The following CPAMD8 variants were observed in gnomAD, a reference collection of about 807,000 sequenced individuals.
The protein encoded by CPAMD8 is C3 and PZP like alpha-2-macroglobulin domain containing 8.
In CPAMD8, 146 loss-of-function variants were observed where a neutral mutation model predicts 224.7. The ratio of observed to expected loss-of-function variants is 0.65; its 90% CI spans 0.57 to 0.75. CPAMD8 has a LOEUF of 0.75. Among genes scored for constraint, CPAMD8 ranks in the 30% least tolerant of loss-of-function variants. The probability of loss-of-function intolerance (pLI) is 0.00; values close to 1 mark genes in which losing one functional copy is unlikely to be tolerated. For missense variants in CPAMD8, 2,301 were observed against 2,537.5 expected, an observed-to-expected ratio of 0.91 and a Z score of 2.00; for synonymous variants, 966 against 1,044.6, an observed-to-expected ratio of 0.92 and a Z score of 1.45.
At position 16,896,640 on chromosome 19, in the gene CPAMD8, A is replaced by G; in HGVS notation, c.5091T>C (p.Pro1697=). 1 of 1,478,132 alleles carries G rather than the reference A, an allele frequency of 6.8e-7. No homozygotes were observed. Among genetic ancestry groups the G allele is most frequent in the Non-Finnish European group, 8.9e-7 (1 of 1,118,098 alleles). The allele number at this position is 1,478,132 out of a possible 1,614,324, so 91.6% of individuals were successfully genotyped here. ...CCGCCCCCTCCTCAGGGGCCACGGC[A>G]GGGCCCGACTCGCCGGGGAACCAGC... is the stretch of plus-strand genomic sequence containing the variant. ...GPGWFPGESG[P]AVAPEEGAAI... is the part of the protein sequence containing the mutation. The change falls in exon 40 of 42, where the codon CCT becomes CCC. Residue 1697 remains proline, a synonymous_variant. Coordinates refer to ENST00000443236, the MANE Select transcript of CPAMD8 (RefSeq NM_015692.5).
intron 22 of CPAMD8, among the ~76,000 whole-genome samples, chr19:16,942,895 G>A (rs115794115): frequency 6.6e-6 from 1 of 152,154 alleles, no homozygotes; most frequent in African/African-American, 2.4e-5. Flanking sequence ...TTGTAGTACA[G>A]ATCTGTGCTT....
intron 23 of CPAMD8, 46 bp from the exon 24 acceptor site, chr19:16,929,286 C>T (rs1377623286): frequency 6.7e-7 from 1 of 1,499,798 alleles, no homozygotes; most frequent in East Asian, 2.3e-5. Context: ...CACCTGGAGG[C>T]ATCCCACTTT....
intron 7 of CPAMD8, among the ~76,000 whole-genome samples, chr19:17,004,963 A>G (rs192457877): frequency 6.8e-6 from 1 of 146,786 alleles, no homozygotes; most frequent in Non-Finnish European, 1.5e-5. Flanking sequence ...AGAGAGACAG[A>G]CAGAGAGAGA....
chr19:16,974,943 C>G, intron 17 of CPAMD8, 154 bp downstream of exon 17: 1 of 1,039,082 alleles, frequency 9.6e-7, no homozygotes, highest in South Asian at 1.7e-5. Flanking sequence ...CCACTGCACT[C>G]CAGCCTGGGC....
intron 29 of CPAMD8, among the ~76,000 whole-genome samples, chr19:16,908,011 G>A (rs1394006934): frequency 1.3e-5 from 2 of 152,182 alleles, no homozygotes; most frequent in Non-Finnish European, 2.9e-5. Context: ...GGGGAAGCAG[G>A]CAGAGTCCTG....
intron 3 of CPAMD8, among the ~76,000 whole-genome samples, chr19:17,012,091 C>A (rs374853019): frequency 1.3e-5 from 2 of 152,294 alleles, no homozygotes; most frequent in South Asian, 2.1e-4. Flanking sequence ...ACTATCTCAG[C>A]TCATTGCAAC....
chr19:16,953,649 TCTC>T, intron 19 of CPAMD8, among the ~76,000 whole-genome samples: 1 of 119,806 alleles, frequency 8.3e-6, no homozygotes, highest in Admixed American at 8.6e-5. Flanking sequence ...TGAGACCTTG[TCTC>T]AAAAAAAAAA....
rs2057095501 is a variant in CPAMD8 at position 17,026,724 on chromosome 19, C to T, written c.-82G>A. On this transcript the variant is annotated 5_prime_UTR_variant, in exon 1 of 42. Transcript: ENST00000443236. ...AGGGCCAGGGTCCGAGCGCGGCCGT[C>T]CTCGCGCCGCCGCCGGGGGCCCTTT... 8.2e-7 allele frequency: 1 copy of T among 1,219,774 alleles called. No individual in the cohort carries two copies. The highest frequency in any genetic ancestry group is 4.4e-5 in the Admixed American group (1 of 22,924). 75.6% of individuals were successfully genotyped at this position (1,219,774 alleles called of 1,614,324 possible).
intron 21 of CPAMD8, among the ~76,000 whole-genome samples, chr19:16,946,248 C>G (rs1341794247): frequency 6.7e-6 from 1 of 150,326 alleles, no homozygotes; most frequent in Non-Finnish European, 1.5e-5. Flanking sequence ...TGATGCATGT[C>G]TACACATGTG....
chr19:17,011,806 G>A lies in CPAMD8; in HGVS notation c.268-49C>T, dbSNP rs766448565. The stretch of plus-strand genomic sequence containing the variant: ...GGGACAAGAATTCACCCTGGAATGG[G>A]CCAAGATACTGGGGAAGGAGTTTGG... On this transcript the variant is annotated intron_variant, in intron 3 of 41. Transcript: ENST00000443236. 3.2e-6 allele frequency: 5 copies of A among 1,584,614 alleles called. No homozygotes were observed. In the South Asian group the frequency reaches 4.6e-5, roughly 15 times the overall value.
intron 3 of CPAMD8, among the ~76,000 whole-genome samples, chr19:17,017,284 T>C (rs949872082): frequency 1.3e-5 from 2 of 152,178 alleles, no homozygotes; most frequent in Admixed American, 6.5e-5. Context: ...GCTTGCACTG[T>C]TTCTTCAGTT....
chr19:16,933,945 C>T (rs1364757059), intron 23 of CPAMD8, among the ~76,000 whole-genome samples: 1 of 152,168 alleles, frequency 6.6e-6, no homozygotes, highest in Non-Finnish European at 1.5e-5. Context: ...AGTTCATCAA[C>T]AGATGAATGG....
At position 16,903,597 on chromosome 19, in the gene CPAMD8, A is replaced by T; in HGVS notation, c.4434T>A (p.Phe1478Leu). Residue 1478 changes from phenylalanine to leucine, a missense_variant, in exon 34 of 42, where the codon TTT (phenylalanine) becomes TTA (leucine). By Grantham distance (22) the Phe-to-Leu change is conservative. This residue lies in a region of CPAMD8 where 1,709 missense variants were observed against 1,753.2 expected (regional missense o/e 0.97). Transcript: ENST00000443236. ...AAIPSLPTGLFVSAKGDGCCL... is the reference protein window; with the variant it reads ...AAIPSLPTGLLVSAKGDGCCL... ...AGCAGCCGTCCCCCTTGGCACTCAC[A>T]AACAGCCCCGTGGGGAGGCTGGGGA... 3 of 1,614,034 alleles carry T rather than the reference A, an allele frequency of 1.9e-6. No homozygotes were observed. Among genetic ancestry groups the T allele is most frequent in the Non-Finnish European group, 2.5e-6 (3 of 1,180,002 alleles).
At chr19:16,952,230 G>A (rs945751922) in intron 19 of CPAMD8, 30 bp from the exon 20 acceptor site, 6 of 1,313,154 alleles carry the variant, frequency 4.6e-6, no homozygotes, top group Non-Finnish European at 6.4e-6. Flanking sequence ...CATGATGGGG[G>A]GCCCTTCTCC....
At chr19:16,934,836 C>G (rs1351644207) in intron 23 of CPAMD8, among the ~76,000 whole-genome samples, 2 of 152,046 alleles carry the variant, frequency 1.3e-5, no homozygotes, top group Admixed American at 6.6e-5. Context: ...CCATCTTAAC[C>G]ATTTTTCAGG....
chr19:16,999,190 C>A (rs1370831646), intron 10 of CPAMD8, among the ~76,000 whole-genome samples: 1 of 152,038 alleles, frequency 6.6e-6, no homozygotes, highest in Non-Finnish European at 1.5e-5. Context: ...AATGAGGATT[C>A]TCTGCAAAAG....
chr19:16,897,697 C>G lies in CPAMD8; in HGVS notation c.5059G>C (p.Gly1687Arg), dbSNP rs988190055. ...AGTGGCTCCGCGCACTCACCCGGGC[C>G]CCGGGCAGGGGCGCGCTCCACTTCG... is the stretch of plus-strand genomic sequence containing the variant. Reference protein sequence around the residue: ...CNEVERAPARGPGWFPGESGP... With the variant: ...CNEVERAPARRPGWFPGESGP... Residue 1687 changes from glycine (G) to arginine (R), a missense_variant, in exon 39 of 42, where the codon GGC becomes CGC. By Grantham distance (125) the Gly-to-Arg change is moderately radical. Around this residue, in one of 4 missense-constraint regions of CPAMD8, gnomAD observed 1,709 missense variants for 1,753.2 expected, o/e 0.97. Transcript: ENST00000443236. The G allele has an allele frequency of 2.6e-6, 4 of 1,528,526 alleles. No individual in the cohort carries two copies. In the African/African-American group the frequency reaches 4.2e-5, roughly 16 times the overall value. The allele number at this position is 1,528,526 out of a possible 1,614,324, so 94.7% of individuals were successfully genotyped here.
intron 18 of CPAMD8, among the ~76,000 whole-genome samples, chr19:16,967,102 A>G (rs1599800932): frequency 1.3e-5 from 2 of 152,130 alleles, no homozygotes; most frequent in East Asian, 3.8e-4. Context: ...ATGTCCATCA[A>G]TGATAGACTG....
intron 27 of CPAMD8, among the ~76,000 whole-genome samples, chr19:16,915,066 GCTC>G (rs2052895823): frequency 6.6e-6 from 1 of 152,240 alleles, no homozygotes; most frequent in South Asian, 2.1e-4. Flanking sequence ...ATTCAGGTCT[GCTC>G]CTTGCTCGGC....
Sources: allele counts gnomAD v4.1 joint callset (sites outside exome capture counted in the v4.1 genomes callset), GRCh38; gene constraint gnomAD v4.1.1; regional missense constraint gnomAD v4.1.1; transcripts MANE v1.5; gene names NCBI Gene and HGNC (gene_info 2026-07-23, HGNC 2026-07-21).